Variants in PCDHA12 observed in about 807,000 individuals in gnomAD.
PCDHA12 encodes the protein protocadherin alpha-12.
A neutral mutation model predicts 60.0 loss-of-function variants in PCDHA12; 44 were observed. The ratio of observed to expected loss-of-function variants is 0.73; its 90% CI spans 0.58 to 0.94. PCDHA12 has a LOEUF of 0.94. Ranked by LOEUF, PCDHA12 falls within the 40% of genes least tolerant of loss-of-function variation. PCDHA12 has a pLI of 0.00. For synonymous variants in PCDHA12, 569 were observed against 553.0 expected, an observed-to-expected ratio of 1.03 and a Z score of -0.40; for missense variants, 1,276 against 1,239.7, an observed-to-expected ratio of 1.03 and a Z score of -0.44.
At chr5:140,924,183 A>G (rs1554201796) in intron 1 of PCDHA12, among the ~76,000 whole-genome samples, 1 of 152,230 alleles carries the variant, frequency 6.6e-6, no homozygotes, top group Non-Finnish European at 1.5e-5. Context: ...GAAGCAGAAA[A>G]TTAGTTTTGG....
At chr5:140,949,691 T>C (rs2094413493) in intron 1 of PCDHA12, among the ~76,000 whole-genome samples, 1 of 151,872 alleles carries the variant, frequency 6.6e-6, no homozygotes, top group Non-Finnish European at 1.5e-5. Context: ...AAGCGTATTG[T>C]TGGATCTTGC....
chr5:140,933,902 A>C (rs1285587221), intron 1 of PCDHA12, among the ~76,000 whole-genome samples: 2 of 151,892 alleles, frequency 1.3e-5, no homozygotes, highest in African/African-American at 2.4e-5. Flanking sequence ...ATATTTTGGC[A>C]TAAAGTTGTT....
chr5:140,947,645 A>G (rs1373528004), intron 1 of PCDHA12, among the ~76,000 whole-genome samples: 2 of 151,670 alleles, frequency 1.3e-5, no homozygotes, highest in African/African-American at 2.4e-5. Flanking sequence ...GTATGAACAT[A>G]TATACCTCCA....
intron 1 of PCDHA12, among the ~76,000 whole-genome samples, chr5:140,953,593 G>T (rs1392522676): frequency 6.6e-6 from 1 of 152,026 alleles, no homozygotes; most frequent in African/African-American, 2.4e-5. Context: ...GCCTCCTTTT[G>T]TTTATTCCCC....
intron 1 of PCDHA12, chr5:140,930,452 G>A (rs2086853363): frequency 6.6e-6 from 1 of 151,826 alleles, no homozygotes; most frequent in Non-Finnish European, 1.5e-5. Flanking sequence ...CAAACTCCTA[G>A]CCTCAAGTGA....
intron 1 of PCDHA12, among the ~76,000 whole-genome samples, chr5:140,900,485 C>T (rs577392455): frequency 6.6e-5 from 10 of 152,310 alleles, no homozygotes; most frequent in African/African-American, 2.2e-4. Flanking sequence ...CCATGTTGGT[C>T]AGACTGGTCT....
At chr5:141,008,206 G>A (rs979113429) in intron 3 of PCDHA12, among the ~76,000 whole-genome samples, 1 of 152,184 alleles carries the variant, frequency 6.6e-6, no homozygotes, top group African/African-American at 2.4e-5. Flanking sequence ...TAATGAACTT[G>A]ACATGAGTTA....
At chr5:140,928,652 A>T in intron 1 of PCDHA12, 1 of 1,614,188 alleles carries the variant, frequency 6.2e-7, no homozygotes, top group Non-Finnish European at 8.5e-7. Context: ...GTAGCAGAGG[A>T]TGCTGACAGT....
At chr5:140,999,327 G>A (rs1554256745) in intron 3 of PCDHA12, among the ~76,000 whole-genome samples, 1 of 152,200 alleles carries the variant, frequency 6.6e-6, no homozygotes, top group Non-Finnish European at 1.5e-5. Context: ...ATTGATCTGT[G>A]TGATTTATAA....
rs150205860 is a variant in PCDHA12 at position 140,883,142 on chromosome 5, G to T, written c.2367+5303G>T. The T allele has an allele frequency of 3.1e-6, 5 of 1,613,886 alleles. No individual in the cohort carries two copies. In the African/African-American group the frequency reaches 6.7e-5, roughly 22 times the overall value. On this transcript the variant is annotated intron_variant, in intron 1 of 3. Transcript: ENST00000398631. ...GCCTGTATGGCCTGCAGTGGTATAT[G>T]CATTTACCATAAATCCGAACAATGG...
Position 141,009,908 on chromosome 5 carries a change from A to G in PCDHA12, c.2797A>G (p.Asn933Asp), listed in dbSNP as rs1295693430. The G allele has an allele frequency of 6.2e-7, 1 of 1,612,848 alleles. No individual in the cohort carries two copies. Among genetic ancestry groups the G allele is most frequent in the Non-Finnish European group, 8.5e-7 (1 of 1,179,798 alleles). Residue 933 changes from asparagine to aspartate, a missense_variant, in exon 4 of 4, where the codon AAC (asparagine) becomes GAC (aspartate). By Grantham distance (23) the Asn-to-Asp change is conservative (BLOSUM62 1). Transcript: ENST00000398631. Reference sequence around the variant, plus strand: ...GACCCAGGAGAAAAAAGAGAAAGGGAACAGCACGACTGACAACAGTGACCA... The same window carrying G: ...GACCCAGGAGAAAAAAGAGAAAGGGGACAGCACGACTGACAACAGTGACCA... ...NKTQEKKEKG[N>D]STTDNSDQ
intron 1 of PCDHA12, among the ~76,000 whole-genome samples, chr5:140,951,923 T>C (rs538525528): frequency 6.6e-6 from 1 of 152,214 alleles, no homozygotes; most frequent in South Asian, 2.1e-4. Flanking sequence ...ACAAGTTAGT[T>C]ACTCCCAAGA....
chr5:140,924,752 G>A (rs970314481), intron 1 of PCDHA12, among the ~76,000 whole-genome samples: 5 of 151,648 alleles, frequency 3.3e-5, no homozygotes, highest in South Asian at 2.1e-4. Context: ...AAAATTAACC[G>A]AGCATGGTGG....
chr5:140,919,915 A>G (rs1306747919), intron 1 of PCDHA12, among the ~76,000 whole-genome samples: 1 of 152,202 alleles, frequency 6.6e-6, no homozygotes, highest in Non-Finnish European at 1.5e-5. Context: ...AAATTACCCT[A>G]AATTTTCAGG....
chr5:140,883,096 T>G (rs2059436763), intron 1 of PCDHA12: 1 of 1,614,006 alleles, frequency 6.2e-7, no homozygotes, highest in Non-Finnish European at 8.5e-7. Flanking sequence ...CAAATGGAGA[T>G]ATAGTTTACT....
rs113486331 is a variant in PCDHA12, at chr5:140,935,958, T to C, written c.2368-42991T>C. ...CCCAGGCTGGAGTAAAGTGGTACAATCTTGGCTCACTGCAATCTCTGCCTC... is the reference window on the plus strand; with the variant it reads ...CCCAGGCTGGAGTAAAGTGGTACAACCTTGGCTCACTGCAATCTCTGCCTC... On this transcript the variant is annotated intron_variant, in intron 1 of 3. Coordinates refer to ENST00000398631, the MANE Select transcript of PCDHA12 (RefSeq NM_018903.4). Among the ~76,000 whole-genome samples the C allele has an allele frequency of 4.3e-3, 649 of 149,438 alleles. 7 individuals are homozygous for C. The highest frequency in any genetic ancestry group is 0.015 in the African/African-American group (604 of 40,738).
chr5:140,914,724 G>A (rs923867157), intron 1 of PCDHA12, among the ~76,000 whole-genome samples: 1 of 150,732 alleles, frequency 6.6e-6, no homozygotes, highest in Non-Finnish European at 1.5e-5. Flanking sequence ...TTTATTTTTT[G>A]TGTATCCATT....
Position 140,979,061 on chromosome 5 carries a change from A to G in PCDHA12, c.2426+54A>G, listed in dbSNP as rs374803810. 155 of 1,605,246 alleles carry G rather than the reference A, an allele frequency of 9.7e-5. No individual in the cohort carries two copies. The African/African-American group carries it at 1.8e-3, about 19-fold the overall frequency. On this transcript the variant is annotated intron_variant, in intron 2 of 3. Coordinates refer to ENST00000398631, the MANE Select transcript of PCDHA12 (RefSeq NM_018903.4). ...AAGTAACCTTAACTTGGTATGGCTC[A>G]GATAAACTGCATCTCCATAGGCCAG...
chr5:140,903,014 A>G (rs551984849), intron 1 of PCDHA12, among the ~76,000 whole-genome samples: 1 of 152,322 alleles, frequency 6.6e-6, no homozygotes, highest in African/African-American at 2.4e-5. Context: ...TTGTGCTGCT[A>G]TCAACATGGC....
Sources: gnomAD v4.1 joint callset for allele counts (sites outside exome capture counted in the v4.1 genomes callset) on GRCh38, gnomAD v4.1.1 for gene constraint, MANE v1.5 for transcripts, NCBI Gene and HGNC (gene_info 2026-07-23, HGNC 2026-07-21) for gene names.